MMP16: variants seen among roughly 807,000 people sequenced by gnomAD.
The protein encoded by MMP16 is matrix metalloproteinase-16.
A neutral mutation model predicts 67.8 loss-of-function variants in MMP16; 12 were observed. That is an observed-to-expected ratio of 0.18 (90% CI 0.11 to 0.29). The LOEUF (loss-of-function observed/expected upper bound fraction) is 0.29. MMP16 is among the 10% of genes least tolerant of loss of function. The pLI, the probability that MMP16 is intolerant of heterozygous loss-of-function variation, is 1.00. For synonymous variants in MMP16, 249 were observed against 255.9 expected (o/e 0.97, Z 0.26); for missense variants, 475 against 765.7 (o/e 0.62, Z 4.48).
intron 4 of MMP16, among the ~76,000 whole-genome samples, chr8:88,165,160 T>C (rs929566355): frequency 2.9e-5 from 2 of 68,962 alleles, no homozygotes; most frequent in African/African-American, 6.1e-5. Context: ...CTGGGCAAAA[T>C]AGCGAGAACC....
In MMP16 at chr8:88,167,324, C is replaced by CA. The variant is rs201899755; in HGVS notation, c.709+344dup. 1.2e-4 allele frequency among the ~76,000 whole-genome samples: 18 copies of CA among 151,212 alleles called. 2 individuals carry two copies. Among genetic ancestry groups the CA allele is most frequent in the Admixed American group, 8.6e-4 (13 of 15,162 alleles). ...CAAGTAGAAACATTGGGATAAGATGCAAAAAAAACAGCAGAATTTTCTTAA... is the reference window on the plus strand; with the variant it reads ...CAAGTAGAAACATTGGGATAAGATGCAAAAAAAAACAGCAGAATTTTCTTAA... On this transcript the variant is annotated intron_variant, in intron 4 of 9. Coordinates refer to ENST00000286614, the MANE Select transcript of MMP16 (RefSeq NM_005941.5).
chr8:88,324,653 T>A (rs946680115), intron 1 of MMP16, among the ~76,000 whole-genome samples: 2 of 152,126 alleles, frequency 1.3e-5, no homozygotes, highest in African/African-American at 4.8e-5. Context: ...AATAAAACAT[T>A]CCCAGTGTGT....
At chr8:88,127,029 C>T (rs1408892492) in intron 4 of MMP16, among the ~76,000 whole-genome samples, 2 of 151,844 alleles carry the variant, frequency 1.3e-5, no homozygotes, top group African/African-American at 4.8e-5. Context: ...GAAATTGAAA[C>T]TCCAGTACAC....
At chr8:88,180,950 T>C (rs913875584) in intron 3 of MMP16, among the ~76,000 whole-genome samples, 2 of 152,126 alleles carry the variant, frequency 1.3e-5, no homozygotes, top group Non-Finnish European at 2.9e-5. Flanking sequence ...TATTATCATA[T>C]CAGCAGAGGC....
At chr8:88,119,092 T>A (rs909576509) in intron 4 of MMP16, among the ~76,000 whole-genome samples, 4 of 152,040 alleles carry the variant, frequency 2.6e-5, no homozygotes, top group Non-Finnish European at 5.9e-5. Context: ...AGATTTAGAA[T>A]CCAAAAGGGA....
chr8:88,314,416 A>C (rs1404194736), intron 1 of MMP16, among the ~76,000 whole-genome samples: 1 of 152,128 alleles, frequency 6.6e-6, no homozygotes, highest in Non-Finnish European at 1.5e-5. Flanking sequence ...ACAATTTTTT[A>C]TTATATGCTA....
chr8:88,061,361 CCCTTT>C (rs1218457978), intron 7 of MMP16, among the ~76,000 whole-genome samples: 6 of 152,002 alleles, frequency 3.9e-5, no homozygotes, highest in Non-Finnish European at 8.8e-5. Flanking sequence ...ACTTATTGCA[CCCTTT>C]CCTTTCATCT....
intron 7 of MMP16, among the ~76,000 whole-genome samples, chr8:88,063,242 A>T (rs1808423490): frequency 6.6e-6 from 1 of 152,026 alleles, no homozygotes; most frequent in Admixed American, 6.6e-5. Flanking sequence ...GATGACATTC[A>T]ATCATCCATC....
intron 3 of MMP16, among the ~76,000 whole-genome samples, chr8:88,182,950 C>T (rs79984069): frequency 6.6e-6 from 1 of 151,700 alleles, no homozygotes; most frequent in African/African-American, 2.4e-5. Context: ...AGAAGCCAGT[C>T]TGAAAAAAAG....
At chr8:88,308,182 T>G (rs939138111) in intron 1 of MMP16, among the ~76,000 whole-genome samples, 2 of 152,098 alleles carry the variant, frequency 1.3e-5, no homozygotes, top group African/African-American at 4.8e-5. Context: ...TGTATCTATA[T>G]CCTTACCATG....
At chr8:88,230,605 T>C (rs369323902) in intron 1 of MMP16, among the ~76,000 whole-genome samples, 6 of 151,896 alleles carry the variant, frequency 4.0e-5, no homozygotes, top group South Asian at 4.1e-4. Context: ...CCATACTATA[T>C]ATTGATTCTT....
At chr8:88,282,066 A>AT (rs1273225876) in intron 1 of MMP16, among the ~76,000 whole-genome samples, 9 of 99,414 alleles carry the variant, frequency 9.1e-5, no homozygotes, top group Non-Finnish European at 1.3e-4. Context: ...AAAATTCCAG[A>AT]TTTTTTTTTC....
Position 88,034,016 on chromosome 8 carries a change from A to G in MMP16, c.*7445T>C, listed in dbSNP as rs1808019827. 3 of 152,182 alleles carry G rather than the reference A, an allele frequency of 2.0e-5. No homozygotes were observed. The highest frequency in any genetic ancestry group is 7.2e-5 in the African/African-American group (3 of 41,580). The allele number at this position is 152,182 out of a possible 1,614,324, so 9.4% of individuals were successfully genotyped here. ...GCTATCCTATCAACAGGCAATACCC[A>G]TCATACTCAGCATTTCACTTTTCTC... On this transcript the variant is annotated 3_prime_UTR_variant, in exon 10 of 10. Transcript: ENST00000286614.
At chr8:88,148,284 G>A (rs536493287) in intron 4 of MMP16, among the ~76,000 whole-genome samples, 2 of 152,084 alleles carry the variant, frequency 1.3e-5, no homozygotes, top group South Asian at 4.1e-4. Flanking sequence ...TTAATATTAT[G>A]TATCTTAATT....
At chr8:88,211,885 T>A (rs1033178300) in intron 1 of MMP16, among the ~76,000 whole-genome samples, 14 of 152,184 alleles carry the variant, frequency 9.2e-5, no homozygotes, top group Non-Finnish European at 4.4e-5. Context: ...AAATTATTTA[T>A]CCTTGCATTG....
intron 1 of MMP16, among the ~76,000 whole-genome samples, chr8:88,308,821 C>T (rs1031605581): frequency 7.2e-5 from 11 of 151,818 alleles, no homozygotes; most frequent in African/African-American, 2.2e-4. Context: ...CATTTTATGA[C>T]AGAACGGGGC....
chr8:88,192,728 T>C (rs1040407156), intron 2 of MMP16, among the ~76,000 whole-genome samples: 3 of 152,208 alleles, frequency 2.0e-5, no homozygotes, highest in Admixed American at 2.0e-4. Flanking sequence ...TTGGTACATC[T>C]AAATAAGTAT....
At chr8:88,112,481 C>T (rs1339458065) in intron 6 of MMP16, among the ~76,000 whole-genome samples, 2 of 151,782 alleles carry the variant, frequency 1.3e-5, no homozygotes, top group African/African-American at 2.4e-5. Flanking sequence ...AGCTTACACT[C>T]TTCAAGGAGT....
intron 4 of MMP16, among the ~76,000 whole-genome samples, chr8:88,146,033 T>A (rs912213525): frequency 2.0e-5 from 3 of 152,010 alleles, no homozygotes; most frequent in Non-Finnish European, 4.4e-5. Context: ...CTAATCATTT[T>A]TAATATCATC....
Sources: allele counts gnomAD v4.1 joint callset (sites outside exome capture counted in the v4.1 genomes callset), GRCh38; gene constraint gnomAD v4.1.1; transcripts MANE v1.5; gene names NCBI Gene and HGNC (gene_info 2026-07-23, HGNC 2026-07-21).